The following AAMDC variants were observed in gnomAD, a reference collection of about 807,000 sequenced individuals.
AAMDC encodes the protein adipogenesis associated Mth938 domain containing, also known as mth938 domain-containing protein.
In AAMDC, 16 loss-of-function variants were observed where a neutral mutation model predicts 15.5. The ratio of observed to expected loss-of-function variants is 1.03; its 90% confidence interval spans 0.70 to 1.57. AAMDC has a LOEUF of 1.57. Among genes scored for constraint, AAMDC ranks in the 40% most tolerant of loss-of-function variants. The pLI is 0.00. For synonymous variants in AAMDC, 51 were observed against 51.6 expected (o/e 0.99, Z 0.05); for missense variants, 141 against 144.9 (o/e 0.97, Z 0.14).
chr11:77,891,867 C>A, intron 5 of AAMDC: 1 of 1,610,232 alleles, frequency 6.2e-7, no homozygotes, highest in Non-Finnish European at 8.5e-7. Context: ...AAGCAACTGA[C>A]TCATTCAACT....
intron 2 of AAMDC, among the ~76,000 whole-genome samples, chr11:77,862,789 T>C: frequency 6.6e-6 from 1 of 152,198 alleles, no homozygotes; most frequent in East Asian, 1.9e-4. Flanking sequence ...AATTTATACT[T>C]CCCTCAGGAG....
chr11:77,883,973 GA>G, intron 5 of AAMDC: 3 of 1,608,838 alleles, frequency 1.9e-6, no homozygotes, highest in Non-Finnish European at 1.7e-6. Context: ...ACAGAAATGA[GA>G]AAAAGGCAGA....
downstream of AAMDC, among the ~76,000 whole-genome samples, chr11:77,904,082 C>G (rs1322153579): frequency 1.3e-5 from 2 of 152,180 alleles, no homozygotes; most frequent in Non-Finnish European, 2.9e-5. Flanking sequence ...AGAAATCAAG[C>G]AGCTTTCCTA....
At chr11:77,863,729 G>A (rs1950985232) in intron 2 of AAMDC, among the ~76,000 whole-genome samples, 1 of 152,076 alleles carries the variant, frequency 6.6e-6, no homozygotes, top group Non-Finnish European at 1.5e-5. Flanking sequence ...TGCCCAGGCT[G>A]GTCTCAAACT....
chr11:77,901,365 T>C, downstream of AAMDC: 1 of 1,582,724 alleles, frequency 6.3e-7, no homozygotes, highest in Non-Finnish European at 8.7e-7. Context: ...TCTGAATGCA[T>C]TTGAAGTATC....
intron 5 of AAMDC, among the ~76,000 whole-genome samples, chr11:77,886,793 C>T (rs679155): frequency 0.38 from 57,487 of 151,912 alleles, 11,298 homozygotes; most frequent in African/African-American, 0.46. Context: ...TGCTAAGAAA[C>T]TCACTCAAAA....
At chr11:77,848,309 A>G (rs1460252973) in intron 2 of AAMDC, among the ~76,000 whole-genome samples, 1 of 152,086 alleles carries the variant, frequency 6.6e-6, no homozygotes, top group African/African-American at 2.4e-5. Flanking sequence ...TTAGTGCTGT[A>G]TATTTCTATT....
At chr11:77,880,323 G>T (rs923809473) in intron 5 of AAMDC, among the ~76,000 whole-genome samples, 1 of 152,150 alleles carries the variant, frequency 6.6e-6, no homozygotes, top group African/African-American at 2.4e-5. Flanking sequence ...GTAGAGACTG[G>T]ATTGCTGTCC....
At chr11:77,877,680 A>G (rs966027332) in intron 5 of AAMDC, among the ~76,000 whole-genome samples, 1 of 152,234 alleles carries the variant, frequency 6.6e-6, no homozygotes, top group African/African-American at 2.4e-5. Context: ...AATGACAGGT[A>G]AAGTACATAG....
chr11:77,832,765 C>T (rs1444388681), intron 1 of AAMDC, among the ~76,000 whole-genome samples: 1 of 150,908 alleles, frequency 6.6e-6, no homozygotes, highest in Non-Finnish European at 1.5e-5. Context: ...TTTTTGTATA[C>T]CCAGGCTTAT....
intron 5 of AAMDC, among the ~76,000 whole-genome samples, chr11:77,900,339 TCTGC>T (rs1181956226): frequency 1.3e-5 from 2 of 151,800 alleles, no homozygotes; most frequent in African/African-American, 4.8e-5. Context: ...GACCTCGTGA[TCTGC>T]CCACCTTGGC....
At position 77,881,503 on chromosome 11, in the gene AAMDC, AC is replaced by A. The variant is rs1441479586; in HGVS notation, c.328+4455del. 2.0e-5 allele frequency among the ~76,000 whole-genome samples: 3 copies of A among 152,258 alleles called. No individual in the cohort carries two copies. The East Asian group carries it at 5.8e-4, about 29-fold the overall frequency. The stretch of plus-strand genomic sequence containing the variant: ...AGCACAGTGAGGGCTGGGAAGGGTG[AC>A]TGCAGCTTTAGCACTGTCACTGATC... On this transcript the variant is annotated intron_variant, in intron 5 of 5. Transcript: ENST00000304716.
At chr11:77,885,803 G>C (rs1397543112) in intron 5 of AAMDC, among the ~76,000 whole-genome samples, 2 of 152,018 alleles carry the variant, frequency 1.3e-5, no homozygotes. Context: ...CTGGGTGACA[G>C]AGTGAGATTC....
chr11:77,833,434 G>A (rs1051815125), intron 1 of AAMDC, among the ~76,000 whole-genome samples: 2 of 152,068 alleles, frequency 1.3e-5, no homozygotes, highest in African/African-American at 4.8e-5. Context: ...TTCACAATAG[G>A]GTTCACGCAT....
intron 2 of AAMDC, among the ~76,000 whole-genome samples, chr11:77,857,753 T>C (rs77047184): frequency 0.04 from 5,968 of 149,266 alleles, 383 homozygotes; most frequent in African/African-American, 0.14. Flanking sequence ...CTGGAGGGCA[T>C]TGGCGTAATC....
intron 3 of AAMDC, chr11:77,870,098 C>T (rs937300207): frequency 5.4e-5 from 10 of 183,986 alleles, no homozygotes; most frequent in Non-Finnish European, 1.1e-4. Flanking sequence ...ACTTTATATC[C>T]TCATAGTATA....
intron 1 of AAMDC, among the ~76,000 whole-genome samples, chr11:77,823,101 G>C (rs1747261175): frequency 1.3e-5 from 2 of 151,056 alleles, no homozygotes; most frequent in Non-Finnish European, 2.9e-5. Flanking sequence ...CCTGTAGACA[G>C]CTACTCGGGA....
Position 77,844,528 on chromosome 11 carries a change from T to A in AAMDC, c.132+1900T>A, listed in dbSNP as rs546388994. On this transcript the variant is annotated intron_variant, in intron 2 of 3. Transcript: ENST00000393427. ...CAGGCATGCAATCACACCTGGCTTA[T>A]TTTTTTTAGTTTTTATAGAGATGAG... 1.1e-4 allele frequency among the ~76,000 whole-genome samples: 16 copies of A among 151,788 alleles called. No individual in the cohort carries two copies. The South Asian group carries it at 3.3e-3, about 32-fold the overall frequency.
At chr11:77,865,710 G>T (rs1951079725) in intron 2 of AAMDC, among the ~76,000 whole-genome samples, 1 of 152,158 alleles carries the variant, frequency 6.6e-6, no homozygotes. Flanking sequence ...TTTTGGAAAA[G>T]ATTTCCATTT....
Sources: gnomAD v4.1 joint callset for allele counts (sites outside exome capture counted in the v4.1 genomes callset) on GRCh38, gnomAD v4.1.1 for gene constraint, MANE v1.5 for transcripts, NCBI Gene and HGNC (gene_info 2026-07-23, HGNC 2026-07-21) for gene names.